ZNFX1: variants seen among roughly 807,000 people sequenced by gnomAD.
ZNFX1 encodes the protein zinc finger NFX1-type containing 1.
Under a neutral mutation model 179.8 loss-of-function variants are expected in ZNFX1, and 78 were observed. The ratio of observed to expected loss-of-function variants is 0.43; its 90% CI spans 0.36 to 0.52. The LOEUF is 0.52. ZNFX1 is among the 20% of genes least tolerant of loss of function. The pLI, the probability that ZNFX1 is intolerant of heterozygous loss-of-function variation, is 0.00. For synonymous variants in ZNFX1, 848 were observed against 868.5 expected, an observed-to-expected ratio of 0.98 and a Z score of 0.42; for missense variants, 1,927 against 2,386.6, an observed-to-expected ratio of 0.81 and a Z score of 4.01.
chr20:49,275,041 T>C (rs1474644919), intron 2 of ZNFX1, among the ~76,000 whole-genome samples: 1 of 151,314 alleles, frequency 6.6e-6, no homozygotes, highest in Non-Finnish European at 1.5e-5. Context: ...GAGAATGGCG[T>C]GAACCCGGGA....
At chr20:49,277,695 G>GCT (rs1981617439) in intron 1 of ZNFX1, among the ~76,000 whole-genome samples, 1 of 149,862 alleles carries the variant, frequency 6.7e-6, no homozygotes, top group African/African-American at 2.5e-5. Flanking sequence ...TGGGCCAGGG[G>GCT]CTGAGTGGGT....
chr20:49,275,860 T>A lies in ZNFX1; in HGVS notation c.-21A>T. On this transcript the variant is annotated 5_prime_UTR_variant, in exon 2 of 14. In the 5' UTR this introduces an upstream ATG that the reference lacks. Transcript: ENST00000396105. ...TCCATGTCTGAGTCACCTGAATTCC[T>A]TCACGTTACTTTCTGTTATCTGGAA... 4 of 1,613,734 alleles carry A rather than the reference T, an allele frequency of 2.5e-6. No individual in the cohort carries two copies. The highest frequency in any genetic ancestry group is 3.4e-6 in the Non-Finnish European group (4 of 1,179,626).
intron 2 of ZNFX1, among the ~76,000 whole-genome samples, chr20:49,272,409 T>C (rs1185364686): frequency 1.3e-5 from 2 of 152,140 alleles, no homozygotes; most frequent in Non-Finnish European, 2.9e-5. Context: ...ACTCCTGACA[T>C]TGTGATCCAC....
In ZNFX1 at chr20:49,246,406, CAG is replaced by C. The variant is rs1223319665; in HGVS notation, c.*859_*860del. ...ACTCTCAGTGACTATGTAACTGTGT[CAG>C]GGTGAGTTGGTGCAGTCTTTTGTCT... On this transcript the variant is annotated 3_prime_UTR_variant, in exon 14 of 14. Transcript: ENST00000396105. 1 of 156,652 alleles carries C rather than the reference CAG, an allele frequency of 6.4e-6. No homozygotes were observed. The highest frequency in any genetic ancestry group is 1.4e-5 in the Non-Finnish European group (1 of 70,878). The allele number at this position is 156,652 out of a possible 1,614,324, so 9.7% of individuals were successfully genotyped here.
Position 49,270,770 on chromosome 20 carries a change from C to T in ZNFX1, c.1042G>A (p.Asp348Asn). 6 of 1,614,138 alleles carry T rather than the reference C, an allele frequency of 3.7e-6. No homozygotes were observed. The highest frequency in any genetic ancestry group is 5.1e-6 in the Non-Finnish European group (6 of 1,180,030). ...TTGGGGCGAAGGAAGGGCCTCTCAT[C>T]CAAGTGCACTTCATTGTAGGTAGGG... ...IYPTYNEVHL[D>N]ERPFLRPNII... The change falls in exon 3 of 14, where the codon GAT becomes AAT. Residue 348 changes from aspartate to asparagine, a missense_variant. By Grantham distance (23) the Asp-to-Asn change is conservative. Transcript: ENST00000396105. The surrounding 1 kb of genome is among the most constrained non-coding windows in gnomAD (Gnocchi z 4.6).
intron 13 of ZNFX1, among the ~76,000 whole-genome samples, chr20:49,250,027 G>A (rs1321682119): frequency 6.6e-6 from 1 of 152,172 alleles, no homozygotes; most frequent in Non-Finnish European, 1.5e-5. Flanking sequence ...GGCCGAGGTG[G>A]GTGGATCACC....
intron 1 of ZNFX1, among the ~76,000 whole-genome samples, chr20:49,276,678 T>C (rs1981568950): frequency 6.6e-6 from 1 of 152,028 alleles, no homozygotes; most frequent in Non-Finnish European, 1.5e-5. Flanking sequence ...AAGGAAAGAG[T>C]GGGTGACTCA....
chr20:49,249,171 C>T lies in ZNFX1; in HGVS notation c.3853G>A (p.Glu1285Lys), dbSNP rs751232357. ...SKASDFQKVPEGGCSLPCEFR... is the reference protein window; with the variant it reads ...SKASDFQKVPKGGCSLPCEFR... ...TCGCAGGGCAGGCTGCAGCCTCCTT[C>T]GGGTACTTTTTGGAAGTCAGAAGCT... The change falls in exon 14 of 14, where the codon GAA becomes AAA. Residue 1285 changes from glutamate (E) to lysine (K), a missense_variant. Coordinates refer to ENST00000396105, the MANE Select transcript of ZNFX1 (RefSeq NM_021035.3). The T allele has an allele frequency of 3.7e-6, 6 of 1,614,088 alleles. No homozygotes were observed. Among genetic ancestry groups the T allele is most frequent in the African/African-American group, 1.3e-5 (1 of 74,926 alleles).
At chr20:49,277,649 G>A (rs1981614783) in intron 1 of ZNFX1, among the ~76,000 whole-genome samples, 1 of 151,534 alleles carries the variant, frequency 6.6e-6, no homozygotes, top group Non-Finnish European at 1.5e-5. Flanking sequence ...ACTAAAGAGA[G>A]TACAGGGGAG....
chr20:49,251,434 C>T (rs1324640829), intron 13 of ZNFX1, 93 bp downstream of exon 13: 5 of 1,190,040 alleles, frequency 4.2e-6, no homozygotes, highest in Non-Finnish European at 6.0e-6. Context: ...AGCCACCGCG[C>T]CTGGCCGCTG....
intron 2 of ZNFX1, 106 bp downstream of exon 2, chr20:49,275,673 T>G: frequency 9.2e-6 from 10 of 1,083,164 alleles, no homozygotes; most frequent in Non-Finnish European, 1.3e-5. Flanking sequence ...ATTCTTTACT[T>G]GAGAGATGCA....
chr20:49,255,852 C>T lies in ZNFX1; in HGVS notation c.2760G>A (p.Glu920=). 6.2e-7 allele frequency: 1 copy of T among 1,614,118 alleles called. No homozygotes were observed. The highest frequency in any genetic ancestry group is 1.1e-5 in the South Asian group (1 of 91,072). ...AACTGAGGTCCAGCTGCCAAACATCCTCGATCTCGTTGGCCTCGGCTGCAG... is the reference window on the plus strand; with the variant it reads ...AACTGAGGTCCAGCTGCCAAACATCTTCGATCTCGTTGGCCTCGGCTGCAG... ...TMTAAEANEI[E]DVWQLDLSSR... Residue 920 remains glutamate, a synonymous_variant, in exon 9 of 14, where the codon GAG becomes GAA. Coordinates refer to ENST00000396105, the MANE Select transcript of ZNFX1 (RefSeq NM_021035.3).
chr20:49,260,624 T>C, intron 6 of ZNFX1, 47 bp from the exon 7 acceptor site: 4 of 1,371,782 alleles, frequency 2.9e-6, no homozygotes, highest in Non-Finnish European at 4.0e-6. Context: ...TGACAACCAA[T>C]GTGAAGGCTG....
intron 13 of ZNFX1, among the ~76,000 whole-genome samples, chr20:49,250,455 G>A (rs1980807262): frequency 6.6e-6 from 1 of 152,128 alleles, no homozygotes; most frequent in South Asian, 2.1e-4. Flanking sequence ...TTATTGTCCA[G>A]AAGAACCTGA....
chr20:49,271,168 T>A lies in ZNFX1; in HGVS notation c.644A>T (p.Lys215Ile), dbSNP rs778783729. The change falls in exon 3 of 14, where the codon AAA becomes ATA. Residue 215 changes from lysine (K) to isoleucine (I), a missense_variant. Coordinates refer to ENST00000396105, the MANE Select transcript of ZNFX1 (RefSeq NM_021035.3). Reference sequence around the variant, plus strand: ...AGCAGGCAGGCAGACTTTGAGAAATTTGGAGTTTTTCAATATGCCCAGTAC... The same window carrying A: ...AGCAGGCAGGCAGACTTTGAGAAATATGGAGTTTTTCAATATGCCCAGTAC... Reference protein sequence around the residue: ...LHVLGILKNSKFLKVCLPAYV... With the variant: ...LHVLGILKNSIFLKVCLPAYV... The A allele has an allele frequency of 1.2e-6, 2 of 1,613,926 alleles. No homozygotes were observed. Among genetic ancestry groups the A allele is most frequent in the East Asian group, 4.5e-5 (2 of 44,894 alleles).
intron 2 of ZNFX1, among the ~76,000 whole-genome samples, chr20:49,272,826 A>G (rs1981451807): frequency 1.3e-5 from 2 of 152,224 alleles, no homozygotes. Flanking sequence ...TTTCTGTAGC[A>G]TGAACTTCAC....
rs750252750 is a variant in ZNFX1, at chr20:49,257,618, C to A, written c.2463G>T (p.Ser821=). The change falls in exon 8 of 14, where the codon TCG becomes TCT. Residue 821 remains serine (S), a synonymous_variant. Coordinates refer to ENST00000396105, the MANE Select transcript of ZNFX1 (RefSeq NM_021035.3). ...DEEEEGEEES[S]LIEIAEEADL... is the part of the protein sequence containing the mutation. Reference sequence around the variant, plus strand: ...CAGCTTCCTCTGCGATCTCTATCAGCGAACTCTCCTCCTCCCCTTCTTCCT... The same window carrying A: ...CAGCTTCCTCTGCGATCTCTATCAGAGAACTCTCCTCCTCCCCTTCTTCCT... The A allele has an allele frequency of 7.4e-6, 12 of 1,613,838 alleles. No individual in the cohort carries two copies. In the Admixed American group the frequency reaches 8.3e-5, roughly 11 times the overall value.
chr20:49,265,889 T>A (rs922918758), intron 4 of ZNFX1, among the ~76,000 whole-genome samples: 1 of 152,190 alleles, frequency 6.6e-6, no homozygotes, highest in Non-Finnish European at 1.5e-5. Context: ...GAGGATGGCA[T>A]GGGCCAATGG....
chr20:49,251,159 A>C (rs1432168368), intron 13 of ZNFX1, among the ~76,000 whole-genome samples: 1 of 151,162 alleles, frequency 6.6e-6, no homozygotes, highest in Admixed American at 6.6e-5. Context: ...TTTTTTTGAC[A>C]GGGAGTCTCT....
Sources: allele counts gnomAD v4.1 joint callset (sites outside exome capture counted in the v4.1 genomes callset), GRCh38; gene constraint gnomAD v4.1.1; non-coding constraint Gnocchi (gnomAD v3.1); transcripts MANE v1.5; gene names NCBI Gene and HGNC (gene_info 2026-07-23, HGNC 2026-07-21).